Variants in TRAPPC9 observed in about 807,000 individuals in gnomAD.
TRAPPC9 encodes the protein IKK2 binding protein.
Under a neutral mutation model 124.0 loss-of-function variants are expected in TRAPPC9, and 83 were observed. The ratio of observed to expected loss-of-function variants is 0.67; its 90% CI spans 0.56 to 0.80. The LOEUF (loss-of-function observed/expected upper bound fraction) is 0.80. Among genes scored for constraint, TRAPPC9 ranks in the 30% least tolerant of loss-of-function variants. The pLI, the probability that TRAPPC9 is intolerant of heterozygous loss-of-function variation, is 0.00. For missense variants in TRAPPC9, 1,302 were observed against 1,508.3 expected (o/e 0.86, Z 2.27); for synonymous variants, 638 against 617.5 (o/e 1.03, Z -0.49).
chr8:139,731,253 T>C, intron 22 of TRAPPC9, 25 bp from the exon 23 acceptor site: 1 of 1,611,312 alleles, frequency 6.2e-7, no homozygotes, highest in Non-Finnish European at 8.5e-7. Context: ...GAAAGACACA[T>C]CAGTCTGGTC....
intron 14 of TRAPPC9, among the ~76,000 whole-genome samples, chr8:140,276,785 G>C (rs999846091): frequency 6.6e-6 from 1 of 151,978 alleles, no homozygotes; most frequent in Non-Finnish European, 1.5e-5. Flanking sequence ...CAGGACAAAG[G>C]GGCAGACAGA....
At chr8:140,141,085 A>T (rs2061375090) in intron 17 of TRAPPC9, among the ~76,000 whole-genome samples, 1 of 152,204 alleles carries the variant, frequency 6.6e-6, no homozygotes, top group Non-Finnish European at 1.5e-5. Context: ...CCACATTTCT[A>T]ACATGGCATT....
intron 20 of TRAPPC9, among the ~76,000 whole-genome samples, chr8:139,895,654 C>G (rs567874528): frequency 6.6e-6 from 1 of 152,166 alleles, no homozygotes; most frequent in Non-Finnish European, 1.5e-5. Flanking sequence ...GGGCCTGGGA[C>G]GCTGGGACAC....
intron 21 of TRAPPC9, among the ~76,000 whole-genome samples, chr8:139,884,032 G>A (rs1332497844): frequency 1.3e-5 from 2 of 152,158 alleles, no homozygotes; most frequent in Non-Finnish European, 2.9e-5. Flanking sequence ...CCCATCTTAG[G>A]GCGGCATGGA....
intron 13 of TRAPPC9, among the ~76,000 whole-genome samples, chr8:140,284,293 A>G (rs1220459554): frequency 6.6e-6 from 1 of 152,214 alleles, no homozygotes; most frequent in Non-Finnish European, 1.5e-5. Flanking sequence ...GGTCCTTGTA[A>G]ACTATAAATA....
intron 21 of TRAPPC9, among the ~76,000 whole-genome samples, chr8:139,814,679 C>G (rs1477303526): frequency 1.3e-5 from 2 of 152,046 alleles, no homozygotes; most frequent in Non-Finnish European, 2.9e-5. Flanking sequence ...TCAAAGCTTT[C>G]CCTCCTAAAC....
At chr8:140,431,890 T>C (rs1016715660) in intron 4 of TRAPPC9, among the ~76,000 whole-genome samples, 3 of 152,228 alleles carry the variant, frequency 2.0e-5, no homozygotes, top group African/African-American at 7.2e-5. Flanking sequence ...ACAGTTTCTA[T>C]CTCTTTTATA....
rs148132029 is a variant in TRAPPC9, at chr8:140,025,022, C to T, written c.2557-943G>A. Among the ~76,000 whole-genome samples the T allele has an allele frequency of 6.5e-3, 996 of 152,276 alleles. 11 individuals are homozygous for T. Among genetic ancestry groups the T allele is most frequent in the African/African-American group, 0.021 (887 of 41,546 alleles). ...CTCATGTGCTCCTGCTGGGGCCCAG[C>T]GGTACCCAGTGAGAGGCGAAGAACA... On this transcript the variant is annotated intron_variant, in intron 17 of 22. Transcript: ENST00000438773.
intron 21 of TRAPPC9, among the ~76,000 whole-genome samples, chr8:139,756,840 T>G (rs11783400): frequency 0.074 from 2,469 of 33,238 alleles, 37 homozygotes; most frequent in South Asian, 0.096. Context: ...GAGGACAGCA[T>G]GTCGCAGGAG....
chr8:140,127,229 TAGA>T (rs2061115453), intron 17 of TRAPPC9, among the ~76,000 whole-genome samples: 1 of 152,116 alleles, frequency 6.6e-6, no homozygotes, highest in Non-Finnish European at 1.5e-5. Flanking sequence ...AGGATCTGGA[TAGA>T]AGCTCTGTGA....
intron 18 of TRAPPC9, among the ~76,000 whole-genome samples, chr8:140,011,501 C>CTTTTTTTTTTT (rs916485762): frequency 1.7e-5 from 2 of 114,650 alleles, no homozygotes; most frequent in Non-Finnish European, 3.4e-5. Flanking sequence ...AGAAGGCATA[C>CTTTTTTTTTTT]TTTTTTTTTT....
chr8:140,058,898 T>C (rs1407482580), intron 17 of TRAPPC9, among the ~76,000 whole-genome samples: 3 of 152,158 alleles, frequency 2.0e-5, no homozygotes, highest in South Asian at 2.1e-4. Context: ...CGGCAGTGGG[T>C]TCTCAGACTC....
At chr8:140,189,232 A>T (rs2062424941) in intron 17 of TRAPPC9, among the ~76,000 whole-genome samples, 1 of 152,198 alleles carries the variant, frequency 6.6e-6, no homozygotes, top group Non-Finnish European at 1.5e-5. Flanking sequence ...GGAACCAAGG[A>T]ACAGTTTCCC....
At chr8:139,878,926 A>G (rs1829502791) in intron 21 of TRAPPC9, among the ~76,000 whole-genome samples, 2 of 152,262 alleles carry the variant, frequency 1.3e-5, no homozygotes, top group African/African-American at 2.4e-5. Context: ...TTCCAGCCTG[A>G]GCGATAAGCA....
chr8:140,045,563 G>T (rs1040486032), intron 17 of TRAPPC9, among the ~76,000 whole-genome samples: 3 of 142,530 alleles, frequency 2.1e-5, no homozygotes, highest in Admixed American at 7.2e-5. Flanking sequence ...GGAGGCGGAG[G>T]TTGTAGCGAC....
intron 5 of TRAPPC9, among the ~76,000 whole-genome samples, chr8:140,415,200 C>T (rs570376628): frequency 3.3e-5 from 5 of 151,634 alleles, no homozygotes; most frequent in Non-Finnish European, 7.4e-5. Flanking sequence ...CAGAGTAGAA[C>T]CTTGTCTAAA....
At chr8:140,088,955 T>C (rs1844388444) in intron 17 of TRAPPC9, among the ~76,000 whole-genome samples, 1 of 152,230 alleles carries the variant, frequency 6.6e-6, no homozygotes, top group Admixed American at 6.5e-5. Context: ...TGAAGGTTTC[T>C]CTAACATTAA....
intron 21 of TRAPPC9, among the ~76,000 whole-genome samples, chr8:139,830,835 G>A (rs1825942429): frequency 6.6e-6 from 1 of 152,236 alleles, no homozygotes; most frequent in African/African-American, 2.4e-5. Flanking sequence ...ACTGTGAAGA[G>A]CAAGGCTGCT....
At chr8:140,092,076 C>CAAA (rs531147407) in intron 17 of TRAPPC9, among the ~76,000 whole-genome samples, 1,504 of 78,084 alleles carry the variant, frequency 0.019, 45 homozygotes, top group African/African-American at 0.066. Flanking sequence ...CCAAGCACTC[C>CAAA]AAAAAAAAAA....
Sources: gnomAD v4.1 joint callset for allele counts (sites outside exome capture counted in the v4.1 genomes callset) on GRCh38, gnomAD v4.1.1 for gene constraint, MANE v1.5 for transcripts, NCBI Gene and HGNC (gene_info 2026-07-23, HGNC 2026-07-21) for gene names.